Variants in PRLR observed in about 807,000 individuals in gnomAD.
The protein encoded by PRLR is prolactin receptor, also known as hPRL receptor.
Under a neutral mutation model 40.2 loss-of-function variants are expected in PRLR, and 13 were observed. The observed-to-expected ratio is 0.32, with a 90% confidence interval of 0.21 to 0.51. PRLR has a LOEUF of 0.51. Ranked by LOEUF, PRLR falls within the 20% of genes least tolerant of loss-of-function variation. The probability of loss-of-function intolerance (pLI) is 0.97; values close to 1 mark genes in which losing one functional copy is unlikely to be tolerated. For missense variants in PRLR, 656 were observed against 747.3 expected (o/e 0.88, Z 1.42); for synonymous variants, 269 against 278.7 (o/e 0.97, Z 0.35).
chr5:35,085,716 TA>T lies in PRLR; in HGVS notation c.203+491del, dbSNP rs902708450. Among the ~76,000 whole-genome samples the T allele has an allele frequency of 1.4e-4, 21 of 152,120 alleles. No individual in the cohort carries two copies. In the East Asian group the frequency reaches 3.3e-3, roughly 24 times the overall value. On this transcript the variant is annotated intron_variant, in intron 4 of 9. Coordinates refer to ENST00000618457, the MANE Select transcript of PRLR (RefSeq NM_000949.7). ...ATTTTGCAAAAGTGACATGTTTAGT[TA>T]AAAAAAATACAAATGGCATAAGAAT...
intron 2 of PRLR, among the ~76,000 whole-genome samples, chr5:35,092,774 C>T (rs1418706385): frequency 6.6e-6 from 1 of 152,196 alleles, no homozygotes; most frequent in Non-Finnish European, 1.5e-5. Context: ...CATCACTCCT[C>T]AGCAGCTCCT....
At chr5:35,107,134 A>G (rs568725100) in intron 2 of PRLR, among the ~76,000 whole-genome samples, 5 of 152,316 alleles carry the variant, frequency 3.3e-5, no homozygotes, top group Middle Eastern at 6.8e-3. Context: ...CTACTGGGTA[A>G]ATAAGTAAAT....
intron 2 of PRLR, among the ~76,000 whole-genome samples, chr5:35,105,790 G>T (rs1412745625): frequency 1.3e-5 from 2 of 152,180 alleles, no homozygotes; most frequent in East Asian, 1.9e-4. Flanking sequence ...GAACCAAGTT[G>T]GAAAACACTC....
intron 2 of PRLR, among the ~76,000 whole-genome samples, chr5:35,116,077 T>G (rs1447753989): frequency 6.6e-6 from 1 of 152,126 alleles, no homozygotes; most frequent in Admixed American, 6.5e-5. Context: ...ATCAGAAGTA[T>G]CTTTGTAATC....
intron 1 of PRLR, among the ~76,000 whole-genome samples, chr5:35,188,297 A>C (rs531573165): frequency 6.6e-6 from 1 of 152,222 alleles, no homozygotes; most frequent in East Asian, 1.9e-4. Flanking sequence ...AACATACCTT[A>C]TTTATTTTTT....
intron 9 of PRLR, among the ~76,000 whole-genome samples, chr5:35,067,507 A>G (rs1293531314): frequency 6.6e-6 from 1 of 152,152 alleles, no homozygotes; most frequent in Non-Finnish European, 1.5e-5. Context: ...CCAGGACTCA[A>G]TTCTTCTATT....
rs532114703 is a variant in PRLR, at chr5:35,171,673, G to A, written c.-105-53551C>T. On this transcript the variant is annotated intron_variant, in intron 1 of 9. Coordinates refer to ENST00000618457, the MANE Select transcript of PRLR (RefSeq NM_000949.7). ...AGACATTTGGAAGCTTGGGGCAGTG[G>A]AATTTGCCAACTGAAACAGGAAGTA... 9.2e-5 allele frequency among the ~76,000 whole-genome samples: 14 copies of A among 152,282 alleles called. 1 individual carries two copies. The South Asian group carries it at 2.7e-3, about 29-fold the overall frequency.
At chr5:35,132,050 C>T (rs546608039) in intron 1 of PRLR, among the ~76,000 whole-genome samples, 2 of 152,300 alleles carry the variant, frequency 1.3e-5, no homozygotes, top group South Asian at 2.1e-4. Flanking sequence ...CATAGTACCT[C>T]ACCCTTCAAT....
chr5:35,123,786 A>C (rs1357181668), intron 1 of PRLR, among the ~76,000 whole-genome samples: 1 of 152,202 alleles, frequency 6.6e-6, no homozygotes, highest in East Asian at 1.9e-4. Flanking sequence ...TGACGCTTAT[A>C]ATAAATACTC....
intron 1 of PRLR, among the ~76,000 whole-genome samples, chr5:35,133,011 CA>C (rs1241787251): frequency 1.3e-5 from 2 of 152,148 alleles, no homozygotes; most frequent in African/African-American, 4.8e-5. Context: ...CTGAATAGAA[CA>C]AAAACATGGA....
intron 1 of PRLR, among the ~76,000 whole-genome samples, chr5:35,208,628 T>C (rs1275725255): frequency 1.3e-5 from 2 of 152,190 alleles, no homozygotes; most frequent in African/African-American, 2.4e-5. Flanking sequence ...AACTTATTTA[T>C]TTGTCAAAAA....
intron 1 of PRLR, among the ~76,000 whole-genome samples, chr5:35,192,765 C>T (rs1042054570): frequency 6.6e-6 from 1 of 152,218 alleles, no homozygotes; most frequent in Non-Finnish European, 1.5e-5. Context: ...GACACAGATG[C>T]TGTATCTTTC....
intron 1 of PRLR, among the ~76,000 whole-genome samples, chr5:35,166,361 T>C (rs1334468293): frequency 2.0e-5 from 3 of 152,182 alleles, no homozygotes; most frequent in Non-Finnish European, 2.9e-5. Context: ...GCTTGTTTAA[T>C]GTGACAACTG....
chr5:35,101,840 A>AT (rs1403493145), intron 2 of PRLR, among the ~76,000 whole-genome samples: 2 of 148,840 alleles, frequency 1.3e-5, no homozygotes, highest in Non-Finnish European at 3.0e-5. Flanking sequence ...ATATATATAT[A>AT]TTTTTGAGAT....
chr5:35,175,216 G>T (rs955951114), intron 1 of PRLR, among the ~76,000 whole-genome samples: 3 of 152,082 alleles, frequency 2.0e-5, no homozygotes, highest in Non-Finnish European at 4.4e-5. Context: ...TAATGGGGGC[G>T]GGTATTTCCC....
At chr5:35,225,041 T>G (rs1339638182) in intron 1 of PRLR, among the ~76,000 whole-genome samples, 1 of 152,176 alleles carries the variant, frequency 6.6e-6, no homozygotes, top group African/African-American at 2.4e-5. Flanking sequence ...TATTACTGCA[T>G]GAGATTACTT....
intron 1 of PRLR, among the ~76,000 whole-genome samples, chr5:35,215,610 G>C (rs970149731): frequency 6.6e-6 from 1 of 152,096 alleles, no homozygotes; most frequent in Non-Finnish European, 1.5e-5. Flanking sequence ...TTCACTCCTG[G>C]AAAATTAGAG....
At chr5:35,192,746 T>G (rs537507532) in intron 1 of PRLR, among the ~76,000 whole-genome samples, 5 of 152,222 alleles carry the variant, frequency 3.3e-5, no homozygotes, top group Non-Finnish European at 7.3e-5. Context: ...AGAAAACAGA[T>G]TCTTGTGAGA....
At chr5:35,151,879 A>C (rs1774352187) in intron 1 of PRLR, among the ~76,000 whole-genome samples, 1 of 152,186 alleles carries the variant, frequency 6.6e-6, no homozygotes, top group South Asian at 2.1e-4. Flanking sequence ...TAACTCACAG[A>C]ACTTGTGAGC....
Sources: gnomAD v4.1 joint callset for allele counts (sites outside exome capture counted in the v4.1 genomes callset) on GRCh38, gnomAD v4.1.1 for gene constraint, MANE v1.5 for transcripts, NCBI Gene and HGNC (gene_info 2026-07-23, HGNC 2026-07-21) for gene names.